Variants in DIAPH3 observed in about 807,000 individuals in gnomAD.
DIAPH3 encodes the protein diaphanous related formin 3.
Under a neutral mutation model 144.3 loss-of-function variants are expected in DIAPH3, and 117 were observed. The ratio of observed to expected loss-of-function variants is 0.81; its 90% CI spans 0.70 to 0.95. DIAPH3 has a LOEUF of 0.95. Among genes scored for constraint, DIAPH3 ranks in the 40% least tolerant of loss-of-function variants. The pLI, the probability that DIAPH3 is intolerant of heterozygous loss-of-function variation, is 0.00. For missense variants in DIAPH3, 1,421 were observed against 1,412.7 expected, an observed-to-expected ratio of 1.01 and a Z score of -0.09; for synonymous variants, 519 against 488.9, an observed-to-expected ratio of 1.06 and a Z score of -0.81.
chr13:59,982,169 T>C (rs1206671376), intron 13 of DIAPH3, among the ~76,000 whole-genome samples: 1 of 151,500 alleles, frequency 6.6e-6, no homozygotes, highest in Non-Finnish European at 1.5e-5. Context: ...GAGATTATTC[T>C]AAATATTTAA....
intron 22 of DIAPH3, 80 bp from the exon 23 acceptor site, chr13:59,839,528 TCATGAAAACAA>T: frequency 3.8e-6 from 5 of 1,329,160 alleles, no homozygotes; most frequent in Middle Eastern, 4.2e-4. Flanking sequence ...AACAAAACAT[TCATGAAAACAA>T]CTCACAATAA....
intron 3 of DIAPH3, among the ~76,000 whole-genome samples, chr13:60,101,297 C>A (rs1326042646): frequency 1.3e-5 from 2 of 152,038 alleles, no homozygotes; most frequent in Non-Finnish European, 2.9e-5. Context: ...TATTATTTAT[C>A]TATGTTATCA....
chr13:59,882,446 G>C (rs747527641), intron 20 of DIAPH3, among the ~76,000 whole-genome samples: 10 of 152,088 alleles, frequency 6.6e-5, no homozygotes, highest in Admixed American at 2.6e-4. Context: ...AAATAAAAAG[G>C]GTTAAGAAGG....
At chr13:59,919,354 A>T (rs1269149461) in intron 18 of DIAPH3, among the ~76,000 whole-genome samples, 1 of 152,166 alleles carries the variant, frequency 6.6e-6, no homozygotes, top group African/African-American at 2.4e-5. Flanking sequence ...ATACTACACC[A>T]TGACATTATA....
chr13:59,885,572 G>T (rs2045388904), intron 20 of DIAPH3, among the ~76,000 whole-genome samples: 1 of 150,902 alleles, frequency 6.6e-6, no homozygotes, highest in African/African-American at 2.4e-5. Flanking sequence ...CTACTTTCCT[G>T]CTGATGGACT....
chr13:60,161,692 A>T (rs988958943), intron 1 of DIAPH3, among the ~76,000 whole-genome samples: 5 of 152,216 alleles, frequency 3.3e-5, no homozygotes, highest in African/African-American at 1.2e-4. Flanking sequence ...GCCATCATGA[A>T]TCTGAGTCAA....
At chr13:60,090,923 C>T (rs1376838818) in intron 4 of DIAPH3, among the ~76,000 whole-genome samples, 1 of 152,136 alleles carries the variant, frequency 6.6e-6, no homozygotes, top group East Asian at 1.9e-4. Context: ...AAATTTCAAC[C>T]TTAGTCCAAA....
intron 17 of DIAPH3, among the ~76,000 whole-genome samples, chr13:59,948,998 T>C (rs2140428066): frequency 6.6e-6 from 1 of 152,200 alleles, no homozygotes; most frequent in South Asian, 2.1e-4. Context: ...TGTAGAAAAG[T>C]GCCACAATAA....
At chr13:60,040,510 T>C (rs2055580065) in intron 5 of DIAPH3, among the ~76,000 whole-genome samples, 1 of 152,080 alleles carries the variant, frequency 6.6e-6, no homozygotes, top group Non-Finnish European at 1.5e-5. Context: ...TAATAACCCA[T>C]TGTAAGATGC....
intron 2 of DIAPH3, among the ~76,000 whole-genome samples, chr13:60,131,044 T>C (rs2059125116): frequency 6.6e-6 from 1 of 151,992 alleles, no homozygotes; most frequent in East Asian, 1.9e-4. Flanking sequence ...ATAATGAAAA[T>C]AAGGGCAGTG....
At chr13:59,950,444 G>C (rs1445581536) in intron 17 of DIAPH3, among the ~76,000 whole-genome samples, 3 of 152,104 alleles carry the variant, frequency 2.0e-5, no homozygotes, top group African/African-American at 7.2e-5. Flanking sequence ...ATAAACATCA[G>C]ACACTGCCCT....
At chr13:60,030,568 T>C (rs182375536) in intron 5 of DIAPH3, among the ~76,000 whole-genome samples, 24 of 152,258 alleles carry the variant, frequency 1.6e-4, no homozygotes, top group East Asian at 3.9e-4. Flanking sequence ...ACATGTACTC[T>C]GATCTTCTCT....
intron 27 of DIAPH3, among the ~76,000 whole-genome samples, chr13:59,761,105 T>C (rs1432834894): frequency 6.6e-6 from 1 of 152,206 alleles, no homozygotes; most frequent in Non-Finnish European, 1.5e-5. Flanking sequence ...GCATGTCAAT[T>C]CTTGCTTCAA....
Position 60,008,623 on chromosome 13 carries a change from G to A in DIAPH3, c.935C>T (p.Thr312Ile). 6.2e-7 allele frequency: 1 copy of A among 1,613,574 alleles called. No individual in the cohort carries two copies. Among genetic ancestry groups the A allele is most frequent in the Non-Finnish European group, 8.5e-7 (1 of 1,179,742 alleles). ...SILEEVLEAL[T>I]SAGEEKKIDR... ...AATTTTTTTTTCTTCACCAGCTGAA[G>A]TTAAAGCTTCTAAAACTTCTTCAAG... Residue 312 changes from threonine (T) to isoleucine (I), a missense_variant, in exon 9 of 28, where the codon ACT (threonine) becomes ATT (isoleucine). Thr to Ile is a moderately conservative substitution (Grantham distance 89, BLOSUM62 -1). Coordinates refer to ENST00000400324, the MANE Select transcript of DIAPH3 (RefSeq NM_001042517.2).
chr13:59,848,403 T>A (rs1186276897), intron 22 of DIAPH3, among the ~76,000 whole-genome samples: 3 of 151,170 alleles, frequency 2.0e-5, no homozygotes, highest in African/African-American at 4.9e-5. Context: ...GCCATGCTGG[T>A]GCGCTGCACC....
chr13:59,868,760 T>A (rs1003969575), intron 21 of DIAPH3, among the ~76,000 whole-genome samples: 3 of 152,134 alleles, frequency 2.0e-5, no homozygotes, highest in Non-Finnish European at 2.9e-5. Flanking sequence ...CAACCACTGA[T>A]GTTTTATTGT....
chr13:59,996,698 A>T (rs1348296683), intron 9 of DIAPH3, among the ~76,000 whole-genome samples: 12 of 152,166 alleles, frequency 7.9e-5, no homozygotes, highest in Non-Finnish European at 1.6e-4. Flanking sequence ...TAAAGTAGAT[A>T]AGCTGTAAAT....
At chr13:60,096,485 G>T (rs575629921) in intron 3 of DIAPH3, among the ~76,000 whole-genome samples, 1 of 152,274 alleles carries the variant, frequency 6.6e-6, no homozygotes, top group South Asian at 2.1e-4. Context: ...AGGTGTGATG[G>T]TTAATTTTAG....
chr13:59,839,544 C>A (rs1005779615), intron 22 of DIAPH3, 96 bp from the exon 23 acceptor site: 1 of 1,127,170 alleles, frequency 8.9e-7, no homozygotes. Context: ...AAACAACTCA[C>A]AATAATGTAA....
Sources: gnomAD v4.1 joint callset for allele counts (sites outside exome capture counted in the v4.1 genomes callset) on GRCh38, gnomAD v4.1.1 for gene constraint, MANE v1.5 for transcripts, NCBI Gene and HGNC (gene_info 2026-07-23, HGNC 2026-07-21) for gene names.